Variants in NIPBL observed in about 807,000 individuals in gnomAD.
NIPBL encodes the protein NIPBL cohesin loading factor.
Under a neutral mutation model 321.8 loss-of-function variants are expected in NIPBL, and 19 were observed. The ratio of observed to expected loss-of-function variants is 0.06; its 90% confidence interval spans 0.04 to 0.09. The LOEUF is 0.09. Ranked by LOEUF, NIPBL falls within the 10% of genes least tolerant of loss-of-function variation. The pLI is 1.00. For missense variants in NIPBL, 2,210 were observed against 3,327.0 expected, an observed-to-expected ratio of 0.66 and a Z score of 8.26; for synonymous variants, 1,106 against 1,114.1, an observed-to-expected ratio of 0.99 and a Z score of 0.14.
chr5:36,918,153 T>C lies in NIPBL; in HGVS notation c.-79-35465T>C, dbSNP rs537320322. ...TCACGATATTGATTCTTCCTACCCA[T>C]GAGCATGGAATGTTCTTCCATTTGT... On this transcript the variant is annotated intron_variant, in intron 1 of 46. Transcript: ENST00000282516. Among the ~76,000 whole-genome samples, 114 of 152,318 alleles carry C rather than the reference T, an allele frequency of 7.5e-4. 1 individual carries two copies. Among genetic ancestry groups the C allele is most frequent in the African/African-American group, 2.7e-3 (112 of 41,568 alleles).
intron 10 of NIPBL, among the ~76,000 whole-genome samples, chr5:36,994,993 C>T (rs558820300): frequency 3.3e-5 from 5 of 152,190 alleles, no homozygotes; most frequent in South Asian, 2.1e-4. Context: ...ATGTTTCTCT[C>T]GTCTTCAGTT....
intron 30 of NIPBL, among the ~76,000 whole-genome samples, chr5:37,025,716 CCA>C (rs1183295073): frequency 2.0e-5 from 3 of 152,052 alleles, no homozygotes; most frequent in African/African-American, 2.4e-5. Context: ...GATGGATACC[CCA>C]GTTACCCTGA....
At chr5:37,044,224 C>CTT in intron 34 of NIPBL, 123 bp from the exon 35 acceptor site, 11 of 775,978 alleles carry the variant, frequency 1.4e-5, no homozygotes, top group South Asian at 1.9e-5. Context: ...CTCTAACAGA[C>CTT]TTTTTTTTTT....
intron 1 of NIPBL, among the ~76,000 whole-genome samples, chr5:36,900,767 T>A (rs180729523): frequency 3.9e-5 from 6 of 152,302 alleles, no homozygotes; most frequent in African/African-American, 1.2e-4. Context: ...AGGGAATCCA[T>A]ACCAATTTCA....
At chr5:36,958,296 C>T in intron 4 of NIPBL, 65 bp downstream of exon 4, 1 of 1,535,456 alleles carries the variant, frequency 6.5e-7, no homozygotes, top group African/African-American at 1.4e-5. Flanking sequence ...ATCCAGGTGT[C>T]TTCTTTAACA....
chr5:36,933,268 AT>A (rs1749918424), intron 1 of NIPBL, among the ~76,000 whole-genome samples: 1 of 152,104 alleles, frequency 6.6e-6, no homozygotes, highest in African/African-American at 2.4e-5. Context: ...ATGGTTACTT[AT>A]AATAACCAGT....
intron 1 of NIPBL, among the ~76,000 whole-genome samples, chr5:36,929,064 A>G (rs1288059763): frequency 6.6e-6 from 1 of 152,174 alleles, no homozygotes; most frequent in Admixed American, 6.6e-5. Context: ...TTAACTTTTT[A>G]AGAAACAGCC....
At chr5:36,960,034 C>A (rs965270242) in intron 4 of NIPBL, among the ~76,000 whole-genome samples, 6 of 151,424 alleles carry the variant, frequency 4.0e-5, no homozygotes, top group Non-Finnish European at 8.8e-5. Context: ...GAGTTCAAGA[C>A]CAGCCTGGGC....
chr5:37,061,570 T>C (rs1022194261), intron 45 of NIPBL, among the ~76,000 whole-genome samples: 8 of 152,168 alleles, frequency 5.3e-5, no homozygotes, highest in African/African-American at 1.9e-4. Context: ...TCCCAGCTAC[T>C]CAGGAGGCTG....
At position 37,000,437 on chromosome 5, in the gene NIPBL, A is replaced by C. The variant is rs140344071; in HGVS notation, c.3369A>C (p.Arg1123Ser). Residue 1123 changes from arginine (R) to serine (S), a missense_variant, in exon 12 of 47, where the codon AGA becomes AGC. Coordinates refer to ENST00000282516, the MANE Select transcript of NIPBL (RefSeq NM_133433.4). ...KAWEYEERDR[R>S]SSGDHRRSGH... ...GGGAATATGAAGAGCGTGACAGAAGAAGCTCTGGGGATCATAGGAGAAGTG... is the reference window on the plus strand; with the variant it reads ...GGGAATATGAAGAGCGTGACAGAAGCAGCTCTGGGGATCATAGGAGAAGTG... 1.4e-5 allele frequency: 23 copies of C among 1,613,352 alleles called. No homozygotes were observed. Among genetic ancestry groups the C allele is most frequent in the South Asian group, 3.3e-5 (3 of 91,070 alleles).
At chr5:36,906,403 A>G (rs1209888700) in intron 1 of NIPBL, among the ~76,000 whole-genome samples, 2 of 152,188 alleles carry the variant, frequency 1.3e-5, no homozygotes, top group Admixed American at 6.5e-5. Context: ...TGTTAAGTAT[A>G]ATCTTGGTTG....
intron 1 of NIPBL, among the ~76,000 whole-genome samples, chr5:36,940,420 A>G (rs1193300418): frequency 6.6e-6 from 1 of 152,080 alleles, no homozygotes; most frequent in African/African-American, 2.4e-5. Context: ...TTTCTCCCTC[A>G]TCTTGTGTCA....
At chr5:37,016,012 C>T in intron 22 of NIPBL, 26 bp from the exon 23 acceptor site, 1 of 1,613,058 alleles carries the variant, frequency 6.2e-7, no homozygotes, top group Non-Finnish European at 8.5e-7. Flanking sequence ...AAATTGACAT[C>T]CTTTTCATTA....
Position 36,984,929 on chromosome 5 carries a change from A to G in NIPBL, c.1749A>G (p.Glu583=), listed in dbSNP as rs1412567074. Residue 583 remains glutamate, a synonymous_variant, in exon 10 of 47, where the codon GAA becomes GAG. Coordinates refer to ENST00000282516, the MANE Select transcript of NIPBL (RefSeq NM_133433.4). The part of the protein sequence containing the change: ...CNDAPVSVLQ[E]DIVGSLKSTP... The stretch of plus-strand genomic sequence containing the variant: ...ATGCACCTGTTTCTGTTCTTCAGGA[A>G]GATATTGTTGGAAGTCTTAAATCTA... 6.2e-7 allele frequency: 1 copy of G among 1,613,878 alleles called. No homozygotes were observed. The highest frequency in any genetic ancestry group is 2.2e-5 in the East Asian group (1 of 44,878).
At chr5:36,888,481 G>T (rs1245794310) in intron 1 of NIPBL, among the ~76,000 whole-genome samples, 2 of 152,066 alleles carry the variant, frequency 1.3e-5, no homozygotes, top group Admixed American at 1.3e-4. Flanking sequence ...AATGTATAAG[G>T]AAAGTTAAAG....
chr5:37,046,445 T>G (rs565670533), intron 38 of NIPBL, among the ~76,000 whole-genome samples: 28 of 152,338 alleles, frequency 1.8e-4, no homozygotes, highest in Admixed American at 1.7e-3. Context: ...AAAATAGAGA[T>G]AACAATACTT....
intron 1 of NIPBL, chr5:36,885,612 G>A (rs1386466210): frequency 3.7e-6 from 2 of 534,842 alleles, no homozygotes; most frequent in Non-Finnish European, 7.4e-6. Flanking sequence ...GAGGATCTGA[G>A]GGCTCAGATC....
At chr5:36,917,934 G>A (rs1580225404) in intron 1 of NIPBL, among the ~76,000 whole-genome samples, 1 of 152,146 alleles carries the variant, frequency 6.6e-6, no homozygotes, top group Admixed American at 6.5e-5. Context: ...TAGCCTTGTA[G>A]TATAGTTTGA....
intron 1 of NIPBL, among the ~76,000 whole-genome samples, chr5:36,905,512 C>T (rs936453282): frequency 2.0e-5 from 3 of 152,086 alleles, no homozygotes; most frequent in African/African-American, 7.2e-5. Flanking sequence ...GCAGTTTTTC[C>T]TTGCACTTCT....
Sources: gnomAD v4.1 joint callset for allele counts (sites outside exome capture counted in the v4.1 genomes callset) on GRCh38, gnomAD v4.1.1 for gene constraint, MANE v1.5 for transcripts, NCBI Gene and HGNC (gene_info 2026-07-23, HGNC 2026-07-21) for gene names.